The following RNF144A variants were observed in gnomAD, a reference collection of about 807,000 sequenced individuals.
The protein encoded by RNF144A is E3 ubiquitin-protein ligase RNF144A.
In RNF144A, 11 loss-of-function variants were observed where a neutral mutation model predicts 38.7. That is an observed-to-expected ratio of 0.28 (90% CI 0.18 to 0.47). The LOEUF is 0.47. RNF144A is among the 20% of genes least tolerant of loss of function. RNF144A has a pLI of 0.99. For synonymous variants in RNF144A, 149 were observed against 143.9 expected, an observed-to-expected ratio of 1.04 and a Z score of -0.25; for missense variants, 316 against 377.2, an observed-to-expected ratio of 0.84 and a Z score of 1.34.
chr2:7,061,147 A>G lies in RNF144A; in HGVS notation c.735-7069A>G, dbSNP rs1157260242. Among the ~76,000 whole-genome samples, 3 of 152,218 alleles carry G rather than the reference A, an allele frequency of 2.0e-5. No individual in the cohort carries two copies. The East Asian group carries it at 5.8e-4, about 29-fold the overall frequency. ...TGTCCATGGATATAAAAAAGCTGCT[A>G]TGATTTCAGACCTGAGCTTCACCAT... On this transcript the variant is annotated intron_variant, in intron 6 of 6. Coordinates refer to the RNF144A transcript ENST00000432850.
At chr2:7,055,189 G>T (rs1673683824) in intron 6 of RNF144A, among the ~76,000 whole-genome samples, 2 of 152,120 alleles carry the variant, frequency 1.3e-5, no homozygotes, top group Admixed American at 1.3e-4. Flanking sequence ...TCTAAGCTTT[G>T]CAAATGATGG....
intron 6 of RNF144A, among the ~76,000 whole-genome samples, chr2:7,051,231 C>T (rs1464616463): frequency 1.3e-5 from 2 of 152,134 alleles, no homozygotes; most frequent in Non-Finnish European, 2.9e-5. Flanking sequence ...TGCCACCACA[C>T]AAACACACCC....
At chr2:7,068,165 A>G in intron 6 of RNF144A, 1 of 959,012 alleles carries the variant, frequency 1.0e-6, no homozygotes, top group Non-Finnish European at 1.5e-6. Context: ...ATCATTGAGT[A>G]AGCTTTTCTG....
chr2:6,973,604 C>T (rs1007262575), intron 2 of RNF144A, among the ~76,000 whole-genome samples: 1 of 152,188 alleles, frequency 6.6e-6, no homozygotes, highest in East Asian at 1.9e-4. Flanking sequence ...GGCTTCACAT[C>T]AGGCCTAAGT....
At chr2:6,927,612 C>T (rs1234458767) in intron 1 of RNF144A, among the ~76,000 whole-genome samples, 1 of 152,226 alleles carries the variant, frequency 6.6e-6, no homozygotes, top group Non-Finnish European at 1.5e-5. Flanking sequence ...CTGTCCTCTG[C>T]GGTAGCTACT....
At chr2:7,030,724 G>A (rs927813710) in intron 8 of RNF144A, among the ~76,000 whole-genome samples, 2 of 152,122 alleles carry the variant, frequency 1.3e-5, no homozygotes, top group Admixed American at 1.3e-4. Flanking sequence ...TGGGCAGGGG[G>A]ATGGATTTGG....
intron 7 of RNF144A, among the ~76,000 whole-genome samples, chr2:7,026,505 T>G (rs1671904209): frequency 6.6e-6 from 1 of 152,010 alleles, no homozygotes; most frequent in Non-Finnish European, 1.5e-5. Context: ...TTCCAGTTTT[T>G]TTTTTTTTTG....
At chr2:6,923,816 C>T (rs1398802224) in intron 1 of RNF144A, among the ~76,000 whole-genome samples, 2 of 150,918 alleles carry the variant, frequency 1.3e-5, no homozygotes, top group African/African-American at 4.9e-5. Context: ...TTTTTCAGAA[C>T]CTGTAGTTGC....
At chr2:7,044,196 C>G, downstream of RNF144A, 5 of 985,330 alleles carry the variant, frequency 5.1e-6, no homozygotes, top group Non-Finnish European at 6.0e-6. Flanking sequence ...GTGGCTCCGT[C>G]TTTTGTAGAT....
chr2:7,043,614 A>T lies in RNF144A; in HGVS notation c.*3854A>T, dbSNP rs1356483484. 1 of 985,588 alleles carries T rather than the reference A, an allele frequency of 1.0e-6. No homozygotes were observed. The allele number at this position is 985,588 out of a possible 1,614,324, so 61.1% of individuals were successfully genotyped here. A position where few individuals can be genotyped will look rare whatever the true frequency, so the allele number is the denominator to read the frequency against. On this transcript the variant is annotated 3_prime_UTR_variant, in exon 9 of 9. Coordinates refer to ENST00000320892, the MANE Select transcript of RNF144A (RefSeq NM_014746.6). Reference sequence around the variant, plus strand: ...AAATAAACAAAATGAAGGGATTATGACAGGTATTACCAAAAACACCAAAAG... The same window carrying T: ...AAATAAACAAAATGAAGGGATTATGTCAGGTATTACCAAAAACACCAAAAG...
At chr2:6,949,178 G>A (rs184990191) in intron 2 of RNF144A, among the ~76,000 whole-genome samples, 188 of 152,262 alleles carry the variant, frequency 1.2e-3, no homozygotes, top group Middle Eastern at 3.4e-3. Flanking sequence ...AAAGTCAAAC[G>A]CAATTTGAGG....
chr2:7,050,097 G>A (rs1673457986), intron 6 of RNF144A, among the ~76,000 whole-genome samples: 1 of 152,202 alleles, frequency 6.6e-6, no homozygotes, highest in African/African-American at 2.4e-5. Context: ...GAATTCACGA[G>A]TGAGTAGGAC....
intron 6 of RNF144A, among the ~76,000 whole-genome samples, chr2:7,023,530 A>G (rs1285654912): frequency 6.6e-6 from 1 of 152,058 alleles, no homozygotes. Context: ...ATCAGTGATA[A>G]CTCCTCTTAA....
chr2:7,047,266 CTA>C (rs71402829), downstream of RNF144A, among the ~76,000 whole-genome samples: 20,283 of 151,946 alleles, frequency 0.13, 2,124 homozygotes, highest in East Asian at 0.55. Context: ...GCATGTGTGT[CTA>C]TGTGTGTGAC....
intron 1 of RNF144A, chr2:6,918,165 C>A (rs1664262642): frequency 6.6e-6 from 1 of 152,238 alleles, no homozygotes. Context: ...AAGAGGATGC[C>A]CCGCACATCC....
chr2:6,940,711 TTTG>T (rs1665911165), intron 1 of RNF144A, among the ~76,000 whole-genome samples: 1 of 152,124 alleles, frequency 6.6e-6, no homozygotes. Flanking sequence ...CGAGGGACAG[TTTG>T]TTATCTCAGA....
At chr2:7,014,601 C>T (rs367804636) in intron 4 of RNF144A, 43 bp downstream of exon 4, 20 of 1,509,552 alleles carry the variant, frequency 1.3e-5, no homozygotes, top group Admixed American at 1.7e-5. Flanking sequence ...TGTGCACAGG[C>T]GTGCACTGCT....
rs1244177280 is a variant in RNF144A at position 7,041,200 on chromosome 2, C to A, written c.*1440C>A. 1 of 984,214 alleles carries A rather than the reference C, an allele frequency of 1.0e-6. No individual in the cohort carries two copies. The highest frequency in any genetic ancestry group is 1.2e-6 in the Non-Finnish European group (1 of 828,928). 61.0% of individuals were successfully genotyped at this position (984,214 alleles called of 1,614,324 possible). A position where few individuals can be genotyped will look rare whatever the true frequency, so the allele number is the denominator to read the frequency against. On this transcript the variant is annotated 3_prime_UTR_variant, in exon 9 of 9. Transcript: ENST00000320892. ...ATTCTATAAAGAAGTAAAACAAAAT[C>A]CTTTTATCTCAGTTATTTGCCCATC...
Position 7,033,302 on chromosome 2 carries a change from C to T in RNF144A, c.747+3087C>T, listed in dbSNP as rs146600988. Among the ~76,000 whole-genome samples, 178 of 152,374 alleles carry T rather than the reference C, an allele frequency of 1.2e-3. 1 individual carries two copies. Among genetic ancestry groups the T allele is most frequent in the African/African-American group, 4.0e-3 (165 of 41,590 alleles). On this transcript the variant is annotated intron_variant, in intron 8 of 8. Transcript: ENST00000320892. ...AGCTGGGCAGGAGCCCCTGCAGGCC[C>T]GTGCCCCATGCTTCTGGTGCTTGAT...
Sources: allele counts gnomAD v4.1 joint callset (sites outside exome capture counted in the v4.1 genomes callset), GRCh38; gene constraint gnomAD v4.1.1; transcripts MANE v1.5; gene names NCBI Gene and HGNC (gene_info 2026-07-23, HGNC 2026-07-21).